Variants in INTU observed in about 807,000 individuals in gnomAD.
The protein encoded by INTU is inturned planar cell polarity protein.
In INTU, 68 loss-of-function variants were observed where a neutral mutation model predicts 100.5. That is an observed-to-expected ratio of 0.68 (90% CI 0.56 to 0.83). The LOEUF (loss-of-function observed/expected upper bound fraction) is 0.83, where lower values mean the gene tolerates loss of function less well. INTU is among the 40% of genes least tolerant of loss of function. The pLI, the probability that INTU is intolerant of heterozygous loss-of-function variation, is 0.00. For missense variants in INTU, 1,071 were observed against 1,114.7 expected (o/e 0.96, Z 0.56); for synonymous variants, 357 against 395.7 (o/e 0.90, Z 1.16).
chr4:127,650,498 T>A (rs1313334170), intron 2 of INTU, among the ~76,000 whole-genome samples: 1 of 151,704 alleles, frequency 6.6e-6, no homozygotes, highest in Non-Finnish European at 1.5e-5. Context: ...CTTGCGATAG[T>A]TTACTGAGAA....
chr4:127,655,856 T>A (rs1578551825), intron 2 of INTU, among the ~76,000 whole-genome samples: 1 of 152,132 alleles, frequency 6.6e-6, no homozygotes, highest in African/African-American at 2.4e-5. Flanking sequence ...CTCAGACTGC[T>A]GTGCTAGCAA....
intron 6 of INTU, among the ~76,000 whole-genome samples, chr4:127,683,362 A>G (rs926160251): frequency 6.6e-6 from 1 of 152,126 alleles, no homozygotes; most frequent in Non-Finnish European, 1.5e-5. Flanking sequence ...CTTCTATCTC[A>G]TTTCACATAA....
Position 127,633,014 on chromosome 4 carries a change from G to C in INTU, c.-21G>C. On this transcript the variant is annotated 5_prime_UTR_variant, in exon 1 of 16. Coordinates refer to ENST00000335251, the MANE Select transcript of INTU (RefSeq NM_015693.4). The stretch of plus-strand genomic sequence containing the variant: ...CTGCGAGATTTGAATTACTCCACTC[G>C]TAGCTATTGCATTCCTGACGATGGC... 3 of 1,604,554 alleles carry C rather than the reference G, an allele frequency of 1.9e-6. No homozygotes were observed. Among genetic ancestry groups the C allele is most frequent in the Non-Finnish European group, 2.6e-6 (3 of 1,173,214 alleles).
chr4:127,703,853 G>T (rs1000940669), intron 9 of INTU, among the ~76,000 whole-genome samples: 16 of 152,010 alleles, frequency 1.1e-4, no homozygotes, highest in Non-Finnish European at 2.4e-4. Context: ...TCAGTTGCTT[G>T]CAAATAGGTT....
rs1267305636 is a variant in INTU at position 127,724,739 on chromosome 4, A to C, written c.*8303A>C. ...TACAAGCTATACCAGCACATCTAAA[A>C]TCGGTCTCTACATTTTTCCATCTTA... On this transcript the variant is annotated 3_prime_UTR_variant, in exon 16 of 16. Coordinates refer to ENST00000335251, the MANE Select transcript of INTU (RefSeq NM_015693.4). 4 of 152,158 alleles carry C rather than the reference A, an allele frequency of 2.6e-5. No individual in the cohort carries two copies. Among genetic ancestry groups the C allele is most frequent in the South Asian group, 2.1e-4 (1 of 4,822 alleles). 9.4% of individuals were successfully genotyped at this position (152,158 alleles called of 1,614,324 possible). A position where few individuals can be genotyped will look rare whatever the true frequency, so the allele number is the denominator to read the frequency against.
intron 13 of INTU, among the ~76,000 whole-genome samples, chr4:127,710,266 C>T (rs1731045362): frequency 6.6e-6 from 1 of 151,958 alleles, no homozygotes; most frequent in Non-Finnish European, 1.5e-5. Context: ...TGATGTAGTT[C>T]ATTTTAAAAG....
chr4:127,681,551 T>C (rs1348910376), intron 6 of INTU, among the ~76,000 whole-genome samples: 4 of 152,218 alleles, frequency 2.6e-5, no homozygotes, highest in Admixed American at 1.3e-4. Flanking sequence ...GCTAGCCATA[T>C]GTAGAAAGCT....
intron 14 of INTU, among the ~76,000 whole-genome samples, chr4:127,711,735 C>G (rs1731103134): frequency 6.6e-6 from 1 of 152,182 alleles, no homozygotes; most frequent in Non-Finnish European, 1.5e-5. Flanking sequence ...GCCTGATGAT[C>G]TGAGGTAGAA....
At chr4:127,649,315 CAT>C (rs1020054290) in intron 2 of INTU, among the ~76,000 whole-genome samples, 1 of 152,094 alleles carries the variant, frequency 6.6e-6, no homozygotes, top group African/African-American at 2.4e-5. Flanking sequence ...AGGATGGAAA[CAT>C]ATCTCTGTTG....
chr4:127,677,223 T>C (rs1729253309), intron 6 of INTU, among the ~76,000 whole-genome samples: 2 of 152,182 alleles, frequency 1.3e-5, no homozygotes, highest in Admixed American at 6.5e-5. Flanking sequence ...TAAATGTCCA[T>C]GTCTGACAGC....
intron 6 of INTU, 41 bp downstream of exon 6, chr4:127,674,254 A>G: frequency 1.4e-6 from 2 of 1,406,708 alleles, no homozygotes; most frequent in Non-Finnish European, 2.0e-6. Flanking sequence ...ATTTCCAAAT[A>G]ATGTTAACTT....
At chr4:127,657,101 GT>G (rs553648577) in intron 3 of INTU, among the ~76,000 whole-genome samples, 1 of 150,450 alleles carries the variant, frequency 6.6e-6, no homozygotes, top group Admixed American at 6.6e-5. Flanking sequence ...TTGCTATAAT[GT>G]TTTTTTTTCC....
chr4:127,654,267 G>T (rs1417441491), intron 2 of INTU, among the ~76,000 whole-genome samples: 2 of 152,080 alleles, frequency 1.3e-5, no homozygotes, highest in Non-Finnish European at 2.9e-5. Flanking sequence ...CTGTCATTAT[G>T]ATGTTAGCTG....
At chr4:127,694,661 T>C (rs1730302971) in intron 8 of INTU, among the ~76,000 whole-genome samples, 1 of 152,188 alleles carries the variant, frequency 6.6e-6, no homozygotes, top group Non-Finnish European at 1.5e-5. Flanking sequence ...CATTTAGATA[T>C]ATGATCCACT....
intron 8 of INTU, among the ~76,000 whole-genome samples, chr4:127,696,837 A>C (rs2148722212): frequency 6.6e-6 from 1 of 152,042 alleles, no homozygotes; most frequent in East Asian, 1.9e-4. Context: ...TCCCCCAAGC[A>C]CCACTTTTGC....
chr4:127,687,621 C>CA (rs765252593), intron 7 of INTU, 57 bp from the exon 8 acceptor site: 23 of 1,444,142 alleles, frequency 1.6e-5, no homozygotes, highest in Non-Finnish European at 2.2e-5. Flanking sequence ...TAGGAGCACA[C>CA]AAAAAATGAC....
chr4:127,708,292 AGAGTCTAG>A (rs1730968374), intron 12 of INTU, among the ~76,000 whole-genome samples: 1 of 152,200 alleles, frequency 6.6e-6, no homozygotes, highest in South Asian at 2.1e-4. Flanking sequence ...TGAGGAGTGC[AGAGTCTAG>A]GGAGGGGAGA....
rs79998743 is a variant in INTU, at chr4:127,699,092, C to A, written c.1450-918C>A. On this transcript the variant is annotated intron_variant, in intron 8 of 15. Transcript: ENST00000335251. ...GGCCTTTAAAGAAAAAAAAAAGATT[C>A]TCTGGGAGGCGGATTGCAGTGAGCT... 6.4e-3 allele frequency among the ~76,000 whole-genome samples: 967 copies of A among 152,148 alleles called. 7 individuals are homozygous for A. The highest frequency in any genetic ancestry group is 0.02 in the Middle Eastern group (6 of 294).
intron 4 of INTU, among the ~76,000 whole-genome samples, chr4:127,666,969 AT>A (rs986641662): frequency 6.6e-6 from 1 of 151,976 alleles, no homozygotes; most frequent in African/African-American, 2.4e-5. Context: ...ACTTAGACAC[AT>A]TTTTTTTATT....
Sources: gnomAD v4.1 joint callset for allele counts (sites outside exome capture counted in the v4.1 genomes callset) on GRCh38, gnomAD v4.1.1 for gene constraint, MANE v1.5 for transcripts, NCBI Gene and HGNC (gene_info 2026-07-23, HGNC 2026-07-21) for gene names.